Variants in RAD51B observed in about 807,000 individuals in gnomAD.
RAD51B encodes the protein DNA repair protein RAD51 homolog 2.
RAD51B carries 38 observed loss-of-function variants against 42.2 expected under a neutral mutation model. That is an observed-to-expected ratio of 0.90 (90% CI 0.70 to 1.18). The LOEUF (loss-of-function observed/expected upper bound fraction) is 1.18, where lower values mean the gene tolerates loss of function less well. RAD51B is among the 50% of genes most tolerant of loss of function. RAD51B has a pLI of 0.00. For missense variants in RAD51B, 373 were observed against 400.7 expected (o/e 0.93, Z 0.59); for synonymous variants, 154 against 145.2 (o/e 1.06, Z -0.43).
At chr14:67,942,659 G>T (rs1294754379) in intron 7 of RAD51B, among the ~76,000 whole-genome samples, 1 of 152,198 alleles carries the variant, frequency 6.6e-6, no homozygotes. Flanking sequence ...AGTAGCAGGA[G>T]TAACGTCAAT....
chr14:68,314,158 C>G (rs1348001937), intron 8 of RAD51B, among the ~76,000 whole-genome samples: 1 of 152,172 alleles, frequency 6.6e-6, no homozygotes, highest in Non-Finnish European at 1.5e-5. Flanking sequence ...AAGATTGATC[C>G]AAGAGTGCTG....
chr14:68,659,278 A>G (rs921278609), intron 11 of RAD51B, among the ~76,000 whole-genome samples: 2 of 152,014 alleles, frequency 1.3e-5, no homozygotes, highest in Non-Finnish European at 2.9e-5. Context: ...TTCAGATCCC[A>G]TTTCTCTCCT....
chr14:68,175,090 T>C (rs2078938695), intron 7 of RAD51B, among the ~76,000 whole-genome samples: 1 of 152,198 alleles, frequency 6.6e-6, no homozygotes, highest in Non-Finnish European at 1.5e-5. Context: ...AAGCAACAGA[T>C]TGATTCCATT....
intron 7 of RAD51B, among the ~76,000 whole-genome samples, chr14:68,088,842 C>G (rs1409328677): frequency 1.3e-5 from 2 of 152,038 alleles, no homozygotes; most frequent in Non-Finnish European, 2.9e-5. Context: ...GAGGAGAAGG[C>G]AATTAAAACT....
In RAD51B at chr14:68,313,058, G is replaced by A. The variant is rs532695985; in HGVS notation, c.853+21078G>A. Among the ~76,000 whole-genome samples, 3 of 152,302 alleles carry A rather than the reference G, an allele frequency of 2.0e-5. No homozygotes were observed. The South Asian group carries it at 6.2e-4, about 32-fold the overall frequency. Reference sequence around the variant, plus strand: ...TGATTTTAACTTTCAAAGTTTATGGGGAAAGGGTACGATATGAATTTTGAG... The same window carrying A: ...TGATTTTAACTTTCAAAGTTTATGGAGAAAGGGTACGATATGAATTTTGAG... On this transcript the variant is annotated intron_variant, in intron 8 of 10. Coordinates refer to ENST00000471583, the MANE Select transcript of RAD51B (RefSeq NM_133510.4).
At chr14:68,681,243 AG>A (rs1893423302) in intron 11 of RAD51B, among the ~76,000 whole-genome samples, 1 of 152,176 alleles carries the variant, frequency 6.6e-6, no homozygotes, top group Non-Finnish European at 1.5e-5. Flanking sequence ...GACTGAAAAA[AG>A]ATAGTTGCTA....
chr14:68,022,648 T>G (rs1257758640), intron 7 of RAD51B, among the ~76,000 whole-genome samples: 1 of 152,146 alleles, frequency 6.6e-6, no homozygotes, highest in African/African-American at 2.4e-5. Context: ...CTCTCTTTTT[T>G]TTTTCTTCCA....
At chr14:67,984,441 G>GTT (rs2075148902) in intron 7 of RAD51B, among the ~76,000 whole-genome samples, 1 of 152,052 alleles carries the variant, frequency 6.6e-6, no homozygotes, top group Non-Finnish European at 1.5e-5. Context: ...ATTACTTATG[G>GTT]TTTAAGTCAT....
At chr14:67,952,374 C>T (rs2074469396) in intron 7 of RAD51B, among the ~76,000 whole-genome samples, 1 of 152,088 alleles carries the variant, frequency 6.6e-6, no homozygotes, top group Non-Finnish European at 1.5e-5. Flanking sequence ...AGCGTTTCTG[C>T]AATATTAATG....
intron 10 of RAD51B, among the ~76,000 whole-genome samples, chr14:68,570,813 A>C (rs189423656): frequency 6.6e-6 from 1 of 152,152 alleles, no homozygotes; most frequent in Non-Finnish European, 1.5e-5. Context: ...ACTGTGATCA[A>C]TAACCTAAAG....
chr14:68,445,636 C>G (rs962668395), intron 9 of RAD51B, among the ~76,000 whole-genome samples: 3 of 152,134 alleles, frequency 2.0e-5, no homozygotes, highest in Non-Finnish European at 2.9e-5. Flanking sequence ...TTTCCTGAAC[C>G]CCACCTTCCT....
chr14:67,998,982 ATC>A (rs2075433362), intron 7 of RAD51B, among the ~76,000 whole-genome samples: 1 of 151,948 alleles, frequency 6.6e-6, no homozygotes, highest in Non-Finnish European at 1.5e-5. Context: ...TGAAGAGTCC[ATC>A]TCTTTCCTCC....
At chr14:67,983,378 T>G (rs1243832070) in intron 7 of RAD51B, among the ~76,000 whole-genome samples, 1 of 152,176 alleles carries the variant, frequency 6.6e-6, no homozygotes, top group Non-Finnish European at 1.5e-5. Flanking sequence ...TTGCTGCTAT[T>G]GACATAAGAA....
intron 7 of RAD51B, among the ~76,000 whole-genome samples, chr14:68,064,819 G>A (rs959251965): frequency 6.6e-6 from 1 of 151,888 alleles, no homozygotes; most frequent in African/African-American, 2.4e-5. Context: ...TTTCTGTTTG[G>A]TTCTCTTTTT....
At chr14:68,538,048 A>G (rs151331177) in intron 10 of RAD51B, among the ~76,000 whole-genome samples, 1 of 152,256 alleles carries the variant, frequency 6.6e-6, no homozygotes, top group East Asian at 1.9e-4. Context: ...AGGTCTTGCT[A>G]GGAGGGGACC....
At chr14:68,541,801 C>A in intron 10 of RAD51B, 2 of 985,322 alleles carry the variant, frequency 2.0e-6, no homozygotes, top group Non-Finnish European at 2.4e-6. Flanking sequence ...CTTTAAATGG[C>A]CACTCTGCAA....
At chr14:68,380,170 G>A (rs936905036) in intron 8 of RAD51B, among the ~76,000 whole-genome samples, 1 of 152,170 alleles carries the variant, frequency 6.6e-6, no homozygotes, top group African/African-American at 2.4e-5. Flanking sequence ...GTGTTTCTAA[G>A]TAGCTTCTGG....
At chr14:67,825,068 A>G (rs1414673773) in intron 2 of RAD51B, among the ~76,000 whole-genome samples, 3 of 134,864 alleles carry the variant, frequency 2.2e-5, no homozygotes, top group Non-Finnish European at 1.6e-5. Context: ...ACAGAGCAAA[A>G]CTCTTGTCTC....
At chr14:68,215,564 G>A (rs2079797730) in intron 7 of RAD51B, among the ~76,000 whole-genome samples, 1 of 152,194 alleles carries the variant, frequency 6.6e-6, no homozygotes, top group Non-Finnish European at 1.5e-5. Context: ...GGCTCAAAGT[G>A]TTAGTTGCCC....
Sources: gnomAD v4.1 joint callset for allele counts (sites outside exome capture counted in the v4.1 genomes callset) on GRCh38, gnomAD v4.1.1 for gene constraint, MANE v1.5 for transcripts, NCBI Gene and HGNC (gene_info 2026-07-23, HGNC 2026-07-21) for gene names.